The following LPAR5 variants were observed in gnomAD, a reference collection of about 807,000 sequenced individuals.
The protein encoded by LPAR5 is lysophosphatidic acid receptor 5.
For synonymous variants in LPAR5, 271 were observed against 261.6 expected, an observed-to-expected ratio of 1.04 and a Z score of -0.35; for missense variants, 544 against 521.8, an observed-to-expected ratio of 1.04 and a Z score of -0.41.
chr12:6,626,304 G>A (rs556689873), intron 1 of LPAR5, among the ~76,000 whole-genome samples: 21 of 152,166 alleles, frequency 1.4e-4, no homozygotes, highest in Admixed American at 9.2e-4. Flanking sequence ...TCATAGAAAC[G>A]GGGTCTGACT....
chr12:6,629,805 C>T (rs1948970324), intron 1 of LPAR5, among the ~76,000 whole-genome samples: 1 of 152,004 alleles, frequency 6.6e-6, no homozygotes, highest in Non-Finnish European at 1.5e-5. Flanking sequence ...GGGCGGATCA[C>T]CTGAGGTCAG....
At position 6,623,187 on chromosome 12, in the gene LPAR5, G is replaced by A. The variant is rs373710015; in HGVS notation, c.-216-1723C>T. 2.9e-4 allele frequency among the ~76,000 whole-genome samples: 44 copies of A among 151,516 alleles called. No individual in the cohort carries two copies. In the East Asian group the frequency reaches 7.9e-3, roughly 27 times the overall value. ...CAGGAGGCGGAGGTTGCAGTGAGCT[G>A]ACATCGTACCACTGCCCTCCAGCCT... On this transcript the variant is annotated intron_variant, in intron 1 of 1. Transcript: ENST00000329858.
At chr12:6,634,565 G>A (rs1293375429) in intron 1 of LPAR5, among the ~76,000 whole-genome samples, 2 of 151,934 alleles carry the variant, frequency 1.3e-5, no homozygotes, top group Admixed American at 1.3e-4. Context: ...CCCAGGAGGC[G>A]GAGTTTGCAG....
At chr12:6,631,790 CA>C (rs1421708256) in intron 1 of LPAR5, 1 of 152,250 alleles carries the variant, frequency 6.6e-6, no homozygotes, top group Non-Finnish European at 1.5e-5. Flanking sequence ...GCCTCTTGGG[CA>C]AATGACGTTG....
At position 6,629,631 on chromosome 12, in the gene LPAR5, G is replaced by A. The variant is rs1380654942; in HGVS notation, c.-217+6276C>T. ...AGAGGTTGCAGTGAGCCGAGATTGC[G>A]CCACTGCACTCCAGCCTAGATGGCA... On this transcript the variant is annotated intron_variant, in intron 1 of 1. Transcript: ENST00000329858. Among the ~76,000 whole-genome samples, 4 of 149,970 alleles carry A rather than the reference G, an allele frequency of 2.7e-5. No individual in the cohort carries two copies. The East Asian group carries it at 5.8e-4, about 22-fold the overall frequency.
At position 6,620,655 on chromosome 12, in the gene LPAR5, C is replaced by T. The variant is rs746294202; in HGVS notation, c.594G>A (p.Leu198=). ...CCGCCGCCAGGGGCAGCAGGAAGCC[C>T]AGCGCCTCGGCCAGCAGCACGAGGG... ...LLPLVLLAEA[L]GFLLPLAAVV... Residue 198 remains leucine (L), a synonymous_variant, in exon 2 of 2, where the codon CTG becomes CTA. Transcript: ENST00000329858. The surrounding 1 kb of genome is among the most constrained non-coding windows in gnomAD (Gnocchi z 6.8). 10 of 1,556,804 alleles carry T rather than the reference C, an allele frequency of 6.4e-6. No individual in the cohort carries two copies. Among genetic ancestry groups the T allele is most frequent in the African/African-American group, 5.4e-5 (4 of 73,666 alleles).
intron 1 of LPAR5, among the ~76,000 whole-genome samples, chr12:6,624,142 C>T (rs1439922699): frequency 6.6e-6 from 1 of 152,210 alleles, no homozygotes; most frequent in Non-Finnish European, 1.5e-5. Flanking sequence ...ATAATGCCCT[C>T]ATAGGCTGAT....
Position 6,620,249 on chromosome 12 carries a change from T to C in LPAR5, c.1000A>G (p.Arg334Gly), listed in dbSNP as rs200035641. The part of the protein sequence containing the change: ...GTRAALAQSE[R>G]SAVTTDATRP... ...GTGGCGTCGGTGGTGACGGCGGACC[T>C]TTCGGATTGCGCGAGCGCCGCCCGC... Residue 334 changes from arginine (R) to glycine (G), a missense_variant, in exon 2 of 2, where the codon AGG (arginine) becomes GGG (glycine). Arg to Gly is a moderately radical substitution (Grantham distance 125). Coordinates refer to ENST00000329858, the MANE Select transcript of LPAR5 (RefSeq NM_020400.6). This position sits in a 1 kb window ranked among gnomAD's most constrained non-coding sequence, Gnocchi z 6.8. The C allele has an allele frequency of 1.6e-4, 257 of 1,610,196 alleles. 3 individuals carry two copies. The African/African-American group carries it at 2.9e-3, about 18-fold the overall frequency.
At chr12:6,624,039 G>A (rs1948914851) in intron 1 of LPAR5, among the ~76,000 whole-genome samples, 1 of 152,196 alleles carries the variant, frequency 6.6e-6, no homozygotes, top group African/African-American at 2.4e-5. Flanking sequence ...CACTGCGCCT[G>A]TGAGGGCTGG....
chr12:6,631,273 C>G (rs980883135), intron 1 of LPAR5, among the ~76,000 whole-genome samples: 1 of 152,180 alleles, frequency 6.6e-6, no homozygotes, highest in Non-Finnish European at 1.5e-5. Context: ...AACTCAGTGT[C>G]TATACACATC....
chr12:6,625,090 C>T (rs1030586258), intron 1 of LPAR5, among the ~76,000 whole-genome samples: 2 of 151,916 alleles, frequency 1.3e-5, no homozygotes, highest in East Asian at 3.9e-4. Context: ...TGTCTGAGAC[C>T]CTGAGCAATT....
chr12:6,627,357 C>G (rs1313345248), intron 1 of LPAR5, among the ~76,000 whole-genome samples: 1 of 152,000 alleles, frequency 6.6e-6, no homozygotes, highest in African/African-American at 2.4e-5. Flanking sequence ...TTTGGGAGGC[C>G]GAGGCAGGCG....
intron 1 of LPAR5, among the ~76,000 whole-genome samples, chr12:6,632,369 T>A (rs183856841): frequency 8.5e-5 from 13 of 152,310 alleles, no homozygotes; most frequent in Admixed American, 7.2e-4. Flanking sequence ...CCATCCTCCT[T>A]GCCCCTGAGA....
At position 6,625,449 on chromosome 12, in the gene LPAR5, C is replaced by T. The variant is rs1376211656; in HGVS notation, c.-216-3985G>A. Among the ~76,000 whole-genome samples, 48 of 121,736 alleles carry T rather than the reference C, an allele frequency of 3.9e-4. 1 individual carries two copies. In the South Asian group the frequency reaches 6.0e-3, roughly 15 times the overall value. The allele number at this position is 121,736 out of a possible 152,430, so 79.9% of individuals were successfully genotyped here. ...AAAAAAAAAAAAAGAGGGCCGGGCG[C>T]GGTGGCTCATGCCTGTAATCCCAGC... On this transcript the variant is annotated intron_variant, in intron 1 of 1. Coordinates refer to ENST00000329858, the MANE Select transcript of LPAR5 (RefSeq NM_020400.6).
In LPAR5 at chr12:6,620,777, G is replaced by A; in HGVS notation, c.472C>T (p.Arg158Cys). The A allele has an allele frequency of 1.3e-6, 2 of 1,585,496 alleles. No individual in the cohort carries two copies. Among genetic ancestry groups the A allele is most frequent in the Non-Finnish European group, 1.7e-6 (2 of 1,166,568 alleles). The part of the protein sequence containing the change: ...LILVFAVPAA[R>C]VHRPSRCRYR... ...CGGCAACGCGAGGGCCTGTGCACGCGGGCGGCGGGCACGGCAAACACCAGG... is the reference window on the plus strand; with the variant it reads ...CGGCAACGCGAGGGCCTGTGCACGCAGGCGGCGGGCACGGCAAACACCAGG... Residue 158 changes from arginine (R) to cysteine (C), a missense_variant, in exon 2 of 2, where the codon CGC becomes TGC. Transcript: ENST00000329858. The surrounding 1 kb of genome is among the most constrained non-coding windows in gnomAD (Gnocchi z 6.8).
intron 1 of LPAR5, among the ~76,000 whole-genome samples, chr12:6,625,459 T>C (rs372696539): frequency 0.018 from 2,366 of 130,118 alleles, 43 homozygotes; most frequent in East Asian, 0.059. Flanking sequence ...CGGTGGCTCA[T>C]GCCTGTAATC....
chr12:6,632,084 G>A (rs1948983819), intron 1 of LPAR5, among the ~76,000 whole-genome samples: 1 of 152,066 alleles, frequency 6.6e-6, no homozygotes, highest in African/African-American at 2.4e-5. Context: ...CGATTCTCCT[G>A]CCTCAGCCCC....
chr12:6,626,862 C>T (rs1443038423), intron 1 of LPAR5, among the ~76,000 whole-genome samples: 1 of 152,220 alleles, frequency 6.6e-6, no homozygotes, highest in Non-Finnish European at 1.5e-5. Context: ...GCAGGTTTAT[C>T]AGAGCTCTCC....
intron 1 of LPAR5, among the ~76,000 whole-genome samples, chr12:6,634,789 C>T (rs1949000582): frequency 6.7e-6 from 1 of 149,646 alleles, no homozygotes; most frequent in South Asian, 2.1e-4. Context: ...GAGTGAGATC[C>T]TGTCTTGAAA....
Sources: allele counts gnomAD v4.1 joint callset (sites outside exome capture counted in the v4.1 genomes callset), GRCh38; gene constraint gnomAD v4.1.1; non-coding constraint Gnocchi (gnomAD v3.1); transcripts MANE v1.5; gene names NCBI Gene and HGNC (gene_info 2026-07-23, HGNC 2026-07-21).